The following TNIK variants were observed in gnomAD, a reference collection of about 807,000 sequenced individuals.
TNIK encodes the protein TRAF2 and NCK interacting kinase, also known as TRAF2 and NCK-interacting protein kinase.
A neutral mutation model predicts 191.3 loss-of-function variants in TNIK; 49 were observed. The ratio of observed to expected loss-of-function variants is 0.26; its 90% CI spans 0.20 to 0.32. The LOEUF is 0.32. TNIK is among the 10% of genes least tolerant of loss of function. TNIK has a pLI of 1.00. For missense variants in TNIK, 1,155 were observed against 1,702.3 expected (o/e 0.68, Z 5.66); for synonymous variants, 594 against 600.9 (o/e 0.99, Z 0.17).
intron 1 of TNIK, among the ~76,000 whole-genome samples, chr3:171,444,221 G>A (rs1445395163): frequency 6.6e-6 from 1 of 152,050 alleles, no homozygotes; most frequent in Non-Finnish European, 1.5e-5. Context: ...TAGCAACATG[G>A]GACACTTTTG....
At chr3:171,117,221 C>T (rs1726868024) in intron 18 of TNIK, among the ~76,000 whole-genome samples, 1 of 152,082 alleles carries the variant, frequency 6.6e-6, no homozygotes, top group African/African-American at 2.4e-5. Flanking sequence ...AAGGTGGGGA[C>T]AAAATGGTGC....
intron 18 of TNIK, among the ~76,000 whole-genome samples, chr3:171,116,989 G>A (rs1232251160): frequency 6.6e-6 from 1 of 152,208 alleles, no homozygotes; most frequent in African/African-American, 2.4e-5. Flanking sequence ...GTTGCATGGG[G>A]TCAGGATGAC....
At chr3:171,402,060 T>C (rs11921771) in intron 1 of TNIK, among the ~76,000 whole-genome samples, 107,798 of 152,174 alleles carry the variant, frequency 0.71, 39,173 homozygotes, top group Middle Eastern at 0.82. Context: ...ATGCTAATAA[T>C]CATATATTTC....
intron 2 of TNIK, among the ~76,000 whole-genome samples, chr3:171,367,506 C>A (rs909408546): frequency 1.3e-5 from 2 of 151,916 alleles, no homozygotes; most frequent in African/African-American, 4.8e-5. Context: ...GTCCCACTCT[C>A]TCGCCCAGAC....
chr3:171,307,592 A>G (rs940164548), intron 2 of TNIK, among the ~76,000 whole-genome samples: 2 of 152,198 alleles, frequency 1.3e-5, no homozygotes, highest in African/African-American at 4.8e-5. Flanking sequence ...CCAGACCACA[A>G]GTGATTTGTG....
intron 2 of TNIK, among the ~76,000 whole-genome samples, chr3:171,342,759 C>G (rs1006014312): frequency 6.6e-6 from 1 of 152,164 alleles, no homozygotes; most frequent in African/African-American, 2.4e-5. Flanking sequence ...GTTACTCTAT[C>G]CTTGATATGG....
intron 24 of TNIK, among the ~76,000 whole-genome samples, chr3:171,086,975 A>G (rs898184942): frequency 6.6e-6 from 1 of 152,222 alleles, no homozygotes; most frequent in African/African-American, 2.4e-5. Context: ...ATTAACACAA[A>G]TATAAACCTC....
chr3:171,109,597 A>G (rs1303676004), intron 19 of TNIK, among the ~76,000 whole-genome samples: 1 of 152,246 alleles, frequency 6.6e-6, no homozygotes, highest in East Asian at 1.9e-4. Context: ...CTAAGAAAGA[A>G]AAAAGAACTG....
chr3:171,094,626 T>C (rs1722486766), intron 22 of TNIK, among the ~76,000 whole-genome samples: 1 of 152,122 alleles, frequency 6.6e-6, no homozygotes, highest in African/African-American at 2.4e-5. Context: ...CCTCCTTCTT[T>C]GGGCAGCAGA....
intron 1 of TNIK, among the ~76,000 whole-genome samples, chr3:171,392,312 T>G (rs1430067462): frequency 6.6e-6 from 1 of 152,100 alleles, no homozygotes; most frequent in Non-Finnish European, 1.5e-5. Context: ...TTCCAGAAAT[T>G]TAATCTGGTC....
intron 2 of TNIK, among the ~76,000 whole-genome samples, chr3:171,290,766 A>G (rs1340877600): frequency 1.3e-5 from 2 of 152,220 alleles, no homozygotes; most frequent in Admixed American, 1.3e-4. Flanking sequence ...ATAAGCATGA[A>G]GCTCACATAT....
chr3:171,081,599 C>T (rs1223773978), intron 27 of TNIK, among the ~76,000 whole-genome samples: 2 of 149,184 alleles, frequency 1.3e-5, no homozygotes. Context: ...TCGTTAAACT[C>T]CTTCAAATAC....
intron 2 of TNIK, among the ~76,000 whole-genome samples, chr3:171,266,424 T>C (rs1748413934): frequency 6.6e-6 from 1 of 152,206 alleles, no homozygotes; most frequent in African/African-American, 2.4e-5. Context: ...TCTTTCCCTC[T>C]CAGTTTCCTT....
intron 1 of TNIK, among the ~76,000 whole-genome samples, chr3:171,403,552 T>G (rs571086098): frequency 4.3e-5 from 6 of 140,740 alleles, no homozygotes; most frequent in Non-Finnish European, 4.5e-5. Flanking sequence ...AAGCAGAGGT[T>G]GCAGTGAGCC....
At chr3:171,323,804 C>A (rs936591804) in intron 2 of TNIK, among the ~76,000 whole-genome samples, 11 of 152,168 alleles carry the variant, frequency 7.2e-5, no homozygotes, top group Admixed American at 1.3e-4. Flanking sequence ...AAACTCTGCT[C>A]TTCATAAGCT....
chr3:171,106,664 A>C (rs73037390), intron 21 of TNIK: 5,888 of 532,602 alleles, frequency 0.011, 157 homozygotes, highest in African/African-American at 0.045. Context: ...ACAGACAAGG[A>C]AATAAAGTCA....
chr3:171,115,108 G>A (rs2108522350), intron 18 of TNIK, among the ~76,000 whole-genome samples: 2 of 152,278 alleles, frequency 1.3e-5, no homozygotes, highest in South Asian at 4.1e-4. Flanking sequence ...GCATGTTAAG[G>A]TTTCTTGGAG....
intron 2 of TNIK, among the ~76,000 whole-genome samples, chr3:171,345,976 T>G (rs1712115585): frequency 6.6e-6 from 1 of 152,054 alleles, no homozygotes. Flanking sequence ...TGGTGATGAA[T>G]GCTACGGGAA....
At chr3:171,452,708 AAAT>A (rs1257601987) in intron 1 of TNIK, among the ~76,000 whole-genome samples, 2 of 147,476 alleles carry the variant, frequency 1.4e-5, no homozygotes, top group Non-Finnish European at 3.0e-5. Context: ...CCGATTGTTG[AAAT>A]AATTGAAACA....
Sources: allele counts gnomAD v4.1 joint callset (sites outside exome capture counted in the v4.1 genomes callset), GRCh38; gene constraint gnomAD v4.1.1; transcripts MANE v1.5; gene names NCBI Gene and HGNC (gene_info 2026-07-23, HGNC 2026-07-21).